The following VPS13A variants were observed in gnomAD, a reference collection of about 807,000 sequenced individuals.
VPS13A encodes the protein intermembrane lipid transfer protein VPS13A.
In VPS13A, 264 loss-of-function variants were observed where a neutral mutation model predicts 390.9. The ratio of observed to expected loss-of-function variants is 0.68; its 90% CI spans 0.61 to 0.75. VPS13A has a LOEUF of 0.75. Among genes scored for constraint, VPS13A ranks in the 30% least tolerant of loss-of-function variants. The pLI, the probability that VPS13A is intolerant of heterozygous loss-of-function variation, is 0.00. For synonymous variants in VPS13A, 1,231 were observed against 1,227.1 expected (o/e 1.00, Z -0.07); for missense variants, 3,409 against 3,733.9 (o/e 0.91, Z 2.27).
Position 77,345,029 on chromosome 9 carries a change from A to C in VPS13A, c.7176A>C (p.Glu2392Asp). ...LDNELGGIIAEVNLAEHSTVI... is the reference protein window; with the variant it reads ...LDNELGGIIADVNLAEHSTVI... ...TCTAGCTTGGAGGTATTATAGCAGA[A>C]GTGAATTTGGCCGAGCATTCTACAG... The change falls in exon 52 of 72, where the codon GAA becomes GAC. Residue 2392 changes from glutamate (E) to aspartate (D), a missense_variant. Physicochemically the swap from Glu to Asp is conservative, Grantham distance 45. Coordinates refer to ENST00000360280, the MANE Select transcript of VPS13A (RefSeq NM_033305.3). The C allele has an allele frequency of 6.2e-7, 1 of 1,612,672 alleles. No homozygotes were observed. Among genetic ancestry groups the C allele is most frequent in the Non-Finnish European group, 8.5e-7 (1 of 1,179,872 alleles).
rs534981122 is a variant in VPS13A, at chr9:77,266,388, T to C, written c.2427+6164T>C. On this transcript the variant is annotated intron_variant, in intron 23 of 71. Coordinates refer to ENST00000360280, the MANE Select transcript of VPS13A (RefSeq NM_033305.3). The stretch of plus-strand genomic sequence containing the variant: ...TTCTTGATCTGTCTAATATTGACAG[T>C]GGGGTGTTAAAGTCTCCTGCTGTTG... Among the ~76,000 whole-genome samples, 9 of 152,254 alleles carry C rather than the reference T, an allele frequency of 5.9e-5. No individual in the cohort carries two copies. In the East Asian group the frequency reaches 1.4e-3, roughly 23 times the overall value.
intron 33 of VPS13A, among the ~76,000 whole-genome samples, chr9:77,301,402 A>G (rs1277081230): frequency 6.6e-6 from 1 of 152,190 alleles, no homozygotes; most frequent in African/African-American, 2.4e-5. Flanking sequence ...AGATTCCTTA[A>G]CCTATTACCA....
intron 3 of VPS13A, among the ~76,000 whole-genome samples, chr9:77,203,772 G>C (rs1340529529): frequency 6.6e-6 from 1 of 152,070 alleles, no homozygotes; most frequent in Admixed American, 6.5e-5. Context: ...TGTCAAATTT[G>C]TTACAGTTTT....
chr9:77,244,744 G>A (rs1268695361), intron 19 of VPS13A, among the ~76,000 whole-genome samples: 1 of 152,046 alleles, frequency 6.6e-6, no homozygotes, highest in East Asian at 1.9e-4. Flanking sequence ...GAGCAGACAA[G>A]TGGGTGAATT....
In VPS13A at chr9:77,322,959, ATTAT is replaced by A. The variant is rs984046104; in HGVS notation, c.5831-103_5831-100del. 3 of 879,292 alleles carry A rather than the reference ATTAT, an allele frequency of 3.4e-6. No homozygotes were observed. The African/African-American group carries it at 5.1e-5, about 15-fold the overall frequency. 54.5% of individuals were successfully genotyped at this position (879,292 alleles called of 1,614,324 possible). A position where few individuals can be genotyped will look rare whatever the true frequency, so the allele number is the denominator to read the frequency against. ...ACTATATCCAAAGACTCTAGTGACT[ATTAT>A]TTATAAGTTTAAGAATCATCTGAAA... On this transcript the variant is annotated intron_variant, in intron 44 of 71. Transcript: ENST00000360280.
intron 31 of VPS13A, among the ~76,000 whole-genome samples, chr9:77,292,107 C>G (rs910866084): frequency 2.6e-5 from 4 of 152,022 alleles, no homozygotes; most frequent in Non-Finnish European, 5.9e-5. Context: ...GTGCTTTGGG[C>G]CTTTTCTGCA....
intron 10 of VPS13A, 60 bp from the exon 11 acceptor site, chr9:77,219,894 T>C: frequency 1.3e-6 from 2 of 1,557,954 alleles, no homozygotes; most frequent in South Asian, 2.2e-5. Context: ...TTCATCACTT[T>C]ATTGCCTTGA....
rs538880952 is a variant in VPS13A, at chr9:77,248,213, T to C, written c.2037+818T>C. Among the ~76,000 whole-genome samples the C allele has an allele frequency of 1.6e-4, 25 of 152,004 alleles. No homozygotes were observed. The South Asian group carries it at 5.0e-3, about 30-fold the overall frequency. On this transcript the variant is annotated intron_variant, in intron 20 of 71. Coordinates refer to ENST00000360280, the MANE Select transcript of VPS13A (RefSeq NM_033305.3). ...CTGTTTACCTAAGTCATTTCCCTTTTTTTCTTTCTTTTTTTTTTTTGAGAC... is the reference window on the plus strand; with the variant it reads ...CTGTTTACCTAAGTCATTTCCCTTTCTTTCTTTCTTTTTTTTTTTTGAGAC...
chr9:77,193,554 AAC>A (rs1433146368), intron 1 of VPS13A, among the ~76,000 whole-genome samples: 2 of 152,200 alleles, frequency 1.3e-5, no homozygotes, highest in Non-Finnish European at 2.9e-5. Context: ...GAATCACTTG[AAC>A]CCGGAAGGTG....
At chr9:77,284,046 G>C (rs1827192521) in intron 31 of VPS13A, among the ~76,000 whole-genome samples, 1 of 151,460 alleles carries the variant, frequency 6.6e-6, no homozygotes, top group African/African-American at 2.4e-5. Context: ...GTCTGAGGAA[G>C]TGAGATTTTT....
intron 35 of VPS13A, 27 bp downstream of exon 35, chr9:77,308,125 C>T (rs769715243): frequency 1.2e-6 from 2 of 1,611,504 alleles, no homozygotes; most frequent in Non-Finnish European, 1.7e-6. Flanking sequence ...AAATTTCTTT[C>T]TGCTTTCCTC....
At chr9:77,198,712 G>A (rs1321889355) in intron 1 of VPS13A, among the ~76,000 whole-genome samples, 1 of 152,046 alleles carries the variant, frequency 6.6e-6, no homozygotes, top group African/African-American at 2.4e-5. Flanking sequence ...TGCCCAGGCT[G>A]GAGTGCAGTG....
chr9:77,199,846 A>G (rs1211010027), intron 1 of VPS13A, 99 bp from the exon 2 acceptor site: 5 of 927,216 alleles, frequency 5.4e-6, no homozygotes, highest in Non-Finnish European at 8.2e-6. Context: ...CACATTATTT[A>G]TATATTTTTC....
intron 10 of VPS13A, among the ~76,000 whole-genome samples, chr9:77,218,136 CAG>C (rs1386780448): frequency 2.7e-5 from 3 of 113,032 alleles, no homozygotes; most frequent in East Asian, 2.6e-4. Context: ...TTTTTGGAGA[CAG>C]AGTCTTGCTC....
Position 77,213,408 on chromosome 9 carries a change from T to C in VPS13A, c.696+94T>C, listed in dbSNP as rs183664776. 1,681 of 1,044,112 alleles carry C rather than the reference T, an allele frequency of 1.6e-3. 1 individual carries two copies. The highest frequency in any genetic ancestry group is 2.3e-3 in the Non-Finnish European group (1,583 of 684,700). 64.7% of individuals were successfully genotyped at this position (1,044,112 alleles called of 1,614,324 possible). ...TATCTAATATACTGTAGTCAGTATT[T>C]TTTCCTAGGCACAATCTATTAGCAG... is the stretch of plus-strand genomic sequence containing the variant. On this transcript the variant is annotated intron_variant, in intron 9 of 71. Transcript: ENST00000360280.
At position 77,353,454 on chromosome 9, in the gene VPS13A, G is replaced by A; in HGVS notation, c.7465G>A (p.Val2489Ile). 1.2e-6 allele frequency: 2 copies of A among 1,604,130 alleles called. No homozygotes were observed. Among genetic ancestry groups the A allele is most frequent in the South Asian group, 1.1e-5 (1 of 90,736 alleles). ...TTTGGGGGAAAAGACAATATATTTAGTTTCATTCTTTGAAGGTTTACAACG... is the reference window on the plus strand; with the variant it reads ...TTTGGGGGAAAAGACAATATATTTAATTTCATTCTTTGAAGGTTTACAACG... ...IDLGEKTIYL[V>I]SFFEGLQRII... Residue 2489 changes from valine to isoleucine, a missense_variant, in exon 54 of 72, where the codon GTT (valine) becomes ATT (isoleucine). Transcript: ENST00000360280.
chr9:77,374,165 T>C (rs1003734973), intron 67 of VPS13A, among the ~76,000 whole-genome samples: 1 of 152,182 alleles, frequency 6.6e-6, no homozygotes, highest in African/African-American at 2.4e-5. Flanking sequence ...GTTGTTATAG[T>C]AGTCCCTCTT....
chr9:77,177,671 G>T lies in VPS13A; in HGVS notation c.-34G>T, dbSNP rs1204311514. ...GAAGGCGGCGGGAGGAGGAGCGCAC[G>T]GGCCGGCTGCCGTGCCCACCACGGC... On this transcript the variant is annotated 5_prime_UTR_variant, in exon 1 of 72. Transcript: ENST00000360280. The T allele has an allele frequency of 2.5e-6, 4 of 1,598,982 alleles. No individual in the cohort carries two copies. Among genetic ancestry groups the T allele is most frequent in the Non-Finnish European group, 2.6e-6 (3 of 1,169,120 alleles).
intron 31 of VPS13A, among the ~76,000 whole-genome samples, chr9:77,285,647 G>A (rs913794257): frequency 1.3e-5 from 2 of 152,036 alleles, no homozygotes; most frequent in Non-Finnish European, 2.9e-5. Flanking sequence ...GAAATGAGTT[G>A]GGAAATGCTT....
Sources: gnomAD v4.1 joint callset for allele counts (sites outside exome capture counted in the v4.1 genomes callset) on GRCh38, gnomAD v4.1.1 for gene constraint, MANE v1.5 for transcripts, NCBI Gene and HGNC (gene_info 2026-07-23, HGNC 2026-07-21) for gene names.